Variants in MDN1 observed in about 807,000 individuals in gnomAD.
The protein encoded by MDN1 is midasin AAA ATPase 1.
A neutral mutation model predicts 669.2 loss-of-function variants in MDN1; 266 were observed. That is an observed-to-expected ratio of 0.40 (90% CI 0.36 to 0.44). MDN1 has a LOEUF of 0.44. Ranked by LOEUF, MDN1 falls within the 20% of genes least tolerant of loss-of-function variation. The pLI, the probability that MDN1 is intolerant of heterozygous loss-of-function variation, is 1.00. For missense variants in MDN1, 5,940 were observed against 6,754.0 expected, an observed-to-expected ratio of 0.88 and a Z score of 4.22; for synonymous variants, 2,385 against 2,457.1, an observed-to-expected ratio of 0.97 and a Z score of 0.87.
intron 33 of MDN1, among the ~76,000 whole-genome samples, chr6:89,734,691 A>AAGAGAGAGAGAGAGAGAGAGAGAG (rs1554188772): frequency 3.5e-5 from 4 of 112,982 alleles, no homozygotes; most frequent in Admixed American, 1.2e-4. Context: ...AAAAAAAAAC[A>AAGAGAGAGAGAGAGAGAGAGAGAG]AGAGAGAGAG....
chr6:89,656,889 A>G, intron 90 of MDN1, 88 bp from the exon 91 acceptor site: 1 of 1,083,898 alleles, frequency 9.2e-7, no homozygotes, highest in East Asian at 2.4e-5. Context: ...AACTTCTCTC[A>G]CTGCTGTCCT....
At position 89,743,297 on chromosome 6, in the gene MDN1, T is replaced by G. The variant is rs1816388464; in HGVS notation, c.4318-17A>C. 6.2e-7 allele frequency: 1 copy of G among 1,613,736 alleles called. No individual in the cohort carries two copies. Among genetic ancestry groups the G allele is most frequent in the South Asian group, 1.1e-5 (1 of 91,038 alleles). ...AATTTCTTCCTATAATTTGAAAAAG[T>G]GGGGAAAATTAAAGGGCAGGTGGCT... On this transcript the variant is annotated splice_polypyrimidine_tract_variant and intron_variant, in intron 30 of 101. Transcript: ENST00000369393.
intron 44 of MDN1, 40 bp from the exon 45 acceptor site, chr6:89,715,809 C>T: frequency 7.7e-7 from 1 of 1,299,098 alleles, no homozygotes; most frequent in Non-Finnish European, 1.1e-6. Context: ...GGCTGACATG[C>T]TGCATTGACT....
intron 40 of MDN1, among the ~76,000 whole-genome samples, chr6:89,722,542 T>C (rs1814902260): frequency 6.6e-6 from 1 of 152,212 alleles, no homozygotes; most frequent in Admixed American, 6.5e-5. Flanking sequence ...CTTTTAAATT[T>C]TGAAGCAGCT....
chr6:89,656,418 C>T (rs534838080), intron 91 of MDN1, among the ~76,000 whole-genome samples: 4 of 152,206 alleles, frequency 2.6e-5, no homozygotes, highest in African/African-American at 7.2e-5. Context: ...AAGAGTGAGA[C>T]GGTTTGTGCT....
chr6:89,773,735 C>T (rs1818222392), intron 13 of MDN1, among the ~76,000 whole-genome samples: 1 of 151,612 alleles, frequency 6.6e-6, no homozygotes, highest in African/African-American at 2.4e-5. Context: ...GAGGTCAAGG[C>T]AGGTGGATCA....
chr6:89,761,334 CG>C (rs1209479602), intron 17 of MDN1, among the ~76,000 whole-genome samples: 20 of 152,112 alleles, frequency 1.3e-4, no homozygotes, highest in African/African-American at 4.8e-4. Flanking sequence ...CTACAAAAAA[CG>C]GTATTTGAGA....
intron 48 of MDN1, 46 bp downstream of exon 48, chr6:89,712,529 A>C: frequency 1.3e-6 from 2 of 1,573,732 alleles, no homozygotes; most frequent in Non-Finnish European, 1.7e-6. Context: ...AGCAAAAATA[A>C]AAACCAGCCA....
Position 89,664,586 on chromosome 6 carries a change from C to T in MDN1, c.14137G>A (p.Asp4713Asn). Reference sequence around the variant, plus strand: ...TTAATATCAGATTTTGAATCAGGATCCTCTTTGTCTTTTTCTTGACCCTTC... The same window carrying T: ...TTAATATCAGATTTTGAATCAGGATTCTCTTTGTCTTTTTCTTGACCCTTC... ...FQKGQEKDKE[D>N]PDSKSDIKGE... is the part of the protein sequence containing the mutation. Residue 4713 changes from aspartate to asparagine, a missense_variant, in exon 85 of 102, where the codon GAT becomes AAT. Asp to Asn is a conservative substitution (Grantham distance 23, BLOSUM62 1). Around this residue, in one of 5 missense-constraint regions of MDN1, gnomAD observed 2,280 missense variants for 2,576.3 expected, o/e 0.88. Coordinates refer to ENST00000369393, the MANE Select transcript of MDN1 (RefSeq NM_014611.3). 1 of 1,613,446 alleles carries T rather than the reference C, an allele frequency of 6.2e-7. No individual in the cohort carries two copies. The highest frequency in any genetic ancestry group is 8.5e-7 in the Non-Finnish European group (1 of 1,179,412).
intron 34 of MDN1, 146 bp from the exon 35 acceptor site, chr6:89,731,069 A>C (rs1815565127): frequency 3.1e-6 from 2 of 644,122 alleles, no homozygotes; most frequent in African/African-American, 3.7e-5. Flanking sequence ...AAGCAGTCCT[A>C]AGAAAGAAGT....
At chr6:89,717,541 A>G (rs1814464694) in intron 43 of MDN1, among the ~76,000 whole-genome samples, 1 of 152,216 alleles carries the variant, frequency 6.6e-6, no homozygotes, top group Non-Finnish European at 1.5e-5. Context: ...TAGTGTTTAT[A>G]ATAGAAATTC....
intron 50 of MDN1, among the ~76,000 whole-genome samples, chr6:89,709,155 C>T (rs1225109091): frequency 6.6e-6 from 1 of 152,138 alleles, no homozygotes; most frequent in Non-Finnish European, 1.5e-5. Flanking sequence ...TTCTGTGAAG[C>T]AGCAGGAGGA....
intron 5 of MDN1, among the ~76,000 whole-genome samples, 166 bp from the exon 6 acceptor site, chr6:89,790,567 C>G (rs1819210285): frequency 6.6e-6 from 1 of 152,126 alleles, no homozygotes; most frequent in African/African-American, 2.4e-5. Flanking sequence ...ATCTCATGGG[C>G]ATTGTGGCCC....
Position 89,664,503 on chromosome 6 carries a change from C to T in MDN1, c.14220G>A (p.Gly4740=). The T allele has an allele frequency of 6.2e-7, 1 of 1,613,812 alleles. No individual in the cohort carries two copies. The highest frequency in any genetic ancestry group is 8.5e-7 in the Non-Finnish European group (1 of 1,179,936). ...ATCTGAAACCTTGTTCTTCAAGCTC[C>T]CCATCATGCATTTTCCCATCAAAAT... is the stretch of plus-strand genomic sequence containing the variant. ...SEDFDGKMHD[G]ELEEQEEDDE... The change falls in exon 85 of 102, where the codon GGG becomes GGA. Residue 4740 remains glycine, a synonymous_variant. Coordinates refer to ENST00000369393, the MANE Select transcript of MDN1 (RefSeq NM_014611.3).
Position 89,684,892 on chromosome 6 carries a change from A to AG in MDN1, c.11812dup (p.Leu3938ProfsTer6), listed in dbSNP as rs764349848. Reference sequence around the variant, plus strand: ...TCATCTTACTTTAAGTTCTTTTTCTAGGGGGGAACGAAGTTCCACAATTTT... The same window carrying AG: ...TCATCTTACTTTAAGTTCTTTTTCTAGGGGGGGAACGAAGTTCCACAATTTT... On this transcript the variant is annotated frameshift_variant, in exon 71 of 102. Coordinates refer to ENST00000369393, the MANE Select transcript of MDN1 (RefSeq NM_014611.3). LOFTEE classifies it high-confidence loss of function. 7 of 1,604,758 alleles carry AG rather than the reference A, an allele frequency of 4.4e-6. No homozygotes were observed. The highest frequency in any genetic ancestry group is 1.3e-5 in the African/African-American group (1 of 74,658).
chr6:89,690,800 A>C lies in MDN1; in HGVS notation c.10622T>G (p.Ile3541Arg). Residue 3541 changes from isoleucine to arginine, a missense_variant, in exon 64 of 102, where the codon ATA becomes AGA. Physicochemically the swap from Ile to Arg is moderately conservative, Grantham distance 97 (BLOSUM62 -3). Coordinates refer to ENST00000369393, the MANE Select transcript of MDN1 (RefSeq NM_014611.3). ...IISEWDEQER[I>R]AQEKAEQESG... ...TTCCTGCTCAGCCTTCTCTTGGGCT[A>C]TGCGTTCCTGCTCATCCCACTCACT... 6.2e-7 allele frequency: 1 copy of C among 1,614,112 alleles called. No individual in the cohort carries two copies. Among genetic ancestry groups the C allele is most frequent in the East Asian group, 2.2e-5 (1 of 44,876 alleles).
In MDN1 at chr6:89,720,387, A is replaced by G. The variant is rs573656034; in HGVS notation, c.5968-1162T>C. 1.8e-3 allele frequency among the ~76,000 whole-genome samples: 275 copies of G among 151,350 alleles called. 1 individual carries two copies. Among genetic ancestry groups the G allele is most frequent in the Admixed American group, 3.7e-3 (56 of 15,228 alleles). On this transcript the variant is annotated intron_variant, in intron 40 of 101. Transcript: ENST00000369393. Reference sequence around the variant, plus strand: ...TGTACTCCAGCCTGGGCGACAGAGCAAGACTCCATCTCAAAAAAAAAAAAA... The same window carrying G: ...TGTACTCCAGCCTGGGCGACAGAGCGAGACTCCATCTCAAAAAAAAAAAAA...
At chr6:89,653,393 A>G (rs1809021113) in intron 93 of MDN1, among the ~76,000 whole-genome samples, 1 of 152,220 alleles carries the variant, frequency 6.6e-6, no homozygotes, top group Non-Finnish European at 1.5e-5. Flanking sequence ...GGAAAGGGAA[A>G]TAGGGGAAAT....
rs563149430 is a variant in MDN1, at chr6:89,699,704, T to G, written c.8894A>C (p.Gln2965Pro). Reference protein sequence around the residue: ...LRRCSKNQQPQINEEISHLIS... With the variant: ...LRRCSKNQQPPINEEISHLIS... ...GAGGTGACTTATCTCCTCATTTATC[T>G]GGGGTTGTTGATTTTTGCTGCATCT... is the stretch of plus-strand genomic sequence containing the variant. The change falls in exon 58 of 102, where the codon CAG (glutamine) becomes CCG (proline). Residue 2965 changes from glutamine to proline, a missense_variant. Around this residue, in one of 5 missense-constraint regions of MDN1, gnomAD observed 2,292 missense variants for 2,638.3 expected, o/e 0.87. Transcript: ENST00000369393. 9.3e-6 allele frequency: 15 copies of G among 1,614,058 alleles called. 1 individual carries two copies. In the South Asian group the frequency reaches 1.6e-4, roughly 18 times the overall value.
Sources: allele counts gnomAD v4.1 joint callset (sites outside exome capture counted in the v4.1 genomes callset), GRCh38; gene constraint gnomAD v4.1.1; regional missense constraint gnomAD v4.1.1; transcripts MANE v1.5; gene names NCBI Gene and HGNC (gene_info 2026-07-23, HGNC 2026-07-21).